Variants in TUT7 observed in about 807,000 individuals in gnomAD.
TUT7 encodes terminal uridylyl transferase 7, also known as terminal uridylyltransferase 7.
TUT7 carries 33 observed loss-of-function variants against 165.9 expected under a neutral mutation model. The ratio of observed to expected loss-of-function variants is 0.20; its 90% confidence interval spans 0.15 to 0.27. TUT7 has a LOEUF of 0.27. Among genes scored for constraint, TUT7 ranks in the 10% least tolerant of loss-of-function variants. The pLI is 1.00. For missense variants in TUT7, 1,338 were observed against 1,762.3 expected (o/e 0.76, Z 4.31); for synonymous variants, 552 against 608.1 (o/e 0.91, Z 1.36).
chr9:86,340,028 A>T lies in TUT7; in HGVS notation c.1208+8T>A. 1 of 1,612,424 alleles carries T rather than the reference A, an allele frequency of 6.2e-7. No individual in the cohort carries two copies. ...AGTTAGTAAATAAACAGTTTAAAGA[A>T]ATGAGACCTTTGCTTTTCTCTGCAC... On this transcript the variant is annotated splice_region_variant and intron_variant, in intron 8 of 26. Coordinates refer to ENST00000375963, the MANE Select transcript of TUT7 (RefSeq NM_024617.4).
intron 10 of TUT7, among the ~76,000 whole-genome samples, chr9:86,331,029 G>A (rs1171259996): frequency 6.6e-6 from 1 of 151,888 alleles, no homozygotes; most frequent in South Asian, 2.1e-4. Context: ...TAGGGTGTGT[G>A]CCACTATGCC....
At chr9:86,321,507 T>C (rs373394602) in intron 14 of TUT7, among the ~76,000 whole-genome samples, 1 of 152,132 alleles carries the variant, frequency 6.6e-6, no homozygotes, top group East Asian at 1.9e-4. Context: ...GTTGGATGAA[T>C]CACTTGAGGT....
chr9:86,292,348 A>C (rs1825961992), intron 26 of TUT7, among the ~76,000 whole-genome samples: 1 of 152,286 alleles, frequency 6.6e-6, no homozygotes, highest in African/African-American at 2.4e-5. Flanking sequence ...TCACACCTGT[A>C]ATCCCAGCTA....
chr9:86,288,828 A>T, intron 26 of TUT7, 84 bp from the exon 27 acceptor site: 1 of 1,078,792 alleles, frequency 9.3e-7, no homozygotes, highest in Non-Finnish European at 1.4e-6. Context: ...CTTCTTATTA[A>T]GTAGTCACAA....
chr9:86,317,381 CA>C, intron 16 of TUT7, 105 bp from the exon 17 acceptor site: 2 of 935,326 alleles, frequency 2.1e-6, no homozygotes, highest in Non-Finnish European at 3.3e-6. Context: ...AATTTCAAGT[CA>C]GTCTATATCT....
Position 86,352,973 on chromosome 9 carries a change from G to A in TUT7, c.227C>T (p.Pro76Leu), listed in dbSNP as rs751203925. The change falls in exon 2 of 27, where the codon CCA becomes CTA. Residue 76 changes from proline to leucine, a missense_variant. Pro to Leu is a moderately conservative substitution (Grantham distance 98, BLOSUM62 -3). Around this residue, in one of 7 missense-constraint regions of TUT7, gnomAD observed 434 missense variants for 480.8 expected, o/e 0.90. Coordinates refer to ENST00000375963, the MANE Select transcript of TUT7 (RefSeq NM_024617.4). Reference sequence around the variant, plus strand: ...GTAGATTGGGTTTTTAAATGCATATGGATTGCTGGAAACAGCACATGGTCC... The same window carrying A: ...GTAGATTGGGTTTTTAAATGCATATAGATTGCTGGAAACAGCACATGGTCC... ...RKGPCAVSSNPYAFKNPIYSQ... is the reference protein window; with the variant it reads ...RKGPCAVSSNLYAFKNPIYSQ... 7 of 1,614,180 alleles carry A rather than the reference G, an allele frequency of 4.3e-6. No individual in the cohort carries two copies. The highest frequency in any genetic ancestry group is 1.1e-5 in the South Asian group (1 of 91,084).
At chr9:86,317,808 A>T (rs1828864177) in intron 16 of TUT7, among the ~76,000 whole-genome samples, 1 of 152,234 alleles carries the variant, frequency 6.6e-6, no homozygotes, top group African/African-American at 2.4e-5. Flanking sequence ...TTGATAAATC[A>T]TTCTTAAAAA....
At chr9:86,345,243 C>T in intron 4 of TUT7, 89 bp from the exon 5 acceptor site, 1 of 1,302,808 alleles carries the variant, frequency 7.7e-7, no homozygotes, top group Non-Finnish European at 1.0e-6. Flanking sequence ...ATAGAGTTTT[C>T]TTTTTCTTAG....
In TUT7 at chr9:86,312,563, T is replaced by C. The variant is rs1828265221; in HGVS notation, c.3275-1754A>G. The stretch of plus-strand genomic sequence containing the variant: ...GGCGCCTCTGCCCGGCCGCCCCTAC[T>C]GGGAAGTGAGGAGCCCCTCTGCCCG... On this transcript the variant is annotated intron_variant, in intron 17 of 26. Coordinates refer to ENST00000375963, the MANE Select transcript of TUT7 (RefSeq NM_024617.4). 2.0e-5 allele frequency among the ~76,000 whole-genome samples: 3 copies of C among 151,828 alleles called. No homozygotes were observed. The South Asian group carries it at 6.3e-4, about 32-fold the overall frequency.
intron 10 of TUT7, among the ~76,000 whole-genome samples, chr9:86,333,427 TCTTTA>T (rs1323781616): frequency 6.6e-6 from 1 of 152,242 alleles, no homozygotes; most frequent in Admixed American, 6.5e-5. Flanking sequence ...TCCTTTTTCC[TCTTTA>T]CTTTTCAGTT....
rs535833016 is a variant in TUT7 at position 86,313,011 on chromosome 9, A to G, written c.3275-2202T>C. On this transcript the variant is annotated intron_variant, in intron 17 of 26. Coordinates refer to ENST00000375963, the MANE Select transcript of TUT7 (RefSeq NM_024617.4). ...GGTCCTCTGCCTAGGAAAACCAGAGACCTTTGTTCACTTGTTTATCTGCTG... is the reference window on the plus strand; with the variant it reads ...GGTCCTCTGCCTAGGAAAACCAGAGGCCTTTGTTCACTTGTTTATCTGCTG... Among the ~76,000 whole-genome samples, 313 of 151,952 alleles carry G rather than the reference A, an allele frequency of 2.1e-3. 2 individuals are homozygous for G. Among genetic ancestry groups the G allele is most frequent in the African/African-American group, 7.0e-3 (290 of 41,412 alleles).
At chr9:86,338,461 G>T (rs113435661) in intron 9 of TUT7, among the ~76,000 whole-genome samples, 2 of 151,872 alleles carry the variant, frequency 1.3e-5, no homozygotes, top group Non-Finnish European at 2.9e-5. Flanking sequence ...ATTTTTTGCC[G>T]TCTCTGTGTA....
At chr9:86,338,740 C>A in intron 9 of TUT7, 83 bp downstream of exon 9, 1 of 1,364,626 alleles carries the variant, frequency 7.3e-7, no homozygotes, top group Non-Finnish European at 9.6e-7. Flanking sequence ...CATTTAAACA[C>A]TGAAGATTAA....
intron 10 of TUT7, chr9:86,336,778 T>C (rs1223080871): frequency 6.6e-6 from 1 of 152,216 alleles, no homozygotes; most frequent in Non-Finnish European, 1.5e-5. Flanking sequence ...TGAGCTAATA[T>C]CATGTTGACT....
intron 24 of TUT7, among the ~76,000 whole-genome samples, chr9:86,304,566 A>G (rs1223106004): frequency 6.6e-6 from 1 of 152,186 alleles, no homozygotes; most frequent in Non-Finnish European, 1.5e-5. Flanking sequence ...CAGAACAGCA[A>G]TGCACCTATG....
chr9:86,341,776 C>T lies in TUT7; in HGVS notation c.1087-723G>A, dbSNP rs1588000075. ...AGGCTCCTTTTCGTCTTTTAGAACT[C>T]AGCTTAAATGTTCCCTCTTCAAAGA... On this transcript the variant is annotated intron_variant, in intron 6 of 26. Coordinates refer to ENST00000375963, the MANE Select transcript of TUT7 (RefSeq NM_024617.4). Among the ~76,000 whole-genome samples the T allele has an allele frequency of 2.6e-5, 4 of 152,262 alleles. No individual in the cohort carries two copies. The South Asian group carries it at 8.3e-4, about 32-fold the overall frequency.
chr9:86,340,942 T>C, intron 7 of TUT7, 60 bp downstream of exon 7: 1 of 1,331,144 alleles, frequency 7.5e-7, no homozygotes, highest in Non-Finnish European at 1.1e-6. Context: ...GTTTGAGAAA[T>C]AAGATAGATC....
intron 21 of TUT7, among the ~76,000 whole-genome samples, 194 bp from the exon 22 acceptor site, chr9:86,308,800 G>A (rs1212629745): frequency 1.3e-5 from 2 of 152,200 alleles, no homozygotes; most frequent in Non-Finnish European, 2.9e-5. Context: ...GGAGTAGGAA[G>A]AGCTCAGAGT....
rs182478551 is a variant in TUT7, at chr9:86,347,650, C to G, written c.521-1170G>C. 2.7e-3 allele frequency among the ~76,000 whole-genome samples: 406 copies of G among 152,070 alleles called. 1 individual carries two copies. The highest frequency in any genetic ancestry group is 9.4e-3 in the African/African-American group (390 of 41,468). On this transcript the variant is annotated intron_variant, in intron 2 of 26. Coordinates refer to ENST00000375963, the MANE Select transcript of TUT7 (RefSeq NM_024617.4). The stretch of plus-strand genomic sequence containing the variant: ...TGACTATCTCAAAATTCTGCAAACA[C>G]CTTCCACAATATAAGAAAATTAAAA...
Sources: allele counts gnomAD v4.1 joint callset (sites outside exome capture counted in the v4.1 genomes callset), GRCh38; gene constraint gnomAD v4.1.1; regional missense constraint gnomAD v4.1.1; transcripts MANE v1.5; gene names NCBI Gene and HGNC (gene_info 2026-07-23, HGNC 2026-07-21).